The following SLC8A1 variants were observed in gnomAD, a reference collection of about 807,000 sequenced individuals.
SLC8A1 encodes solute carrier family 8 member A1, also known as sodium/calcium exchanger 1.
A neutral mutation model predicts 68.3 loss-of-function variants in SLC8A1; 18 were observed. The ratio of observed to expected loss-of-function variants is 0.26; its 90% CI spans 0.18 to 0.39. The LOEUF (loss-of-function observed/expected upper bound fraction) is 0.39. Ranked by LOEUF, SLC8A1 falls within the 10% of genes least tolerant of loss-of-function variation. The pLI, the probability that SLC8A1 is intolerant of heterozygous loss-of-function variation, is 1.00. For synonymous variants in SLC8A1, 475 were observed against 415.5 expected (o/e 1.14, Z -1.74); for missense variants, 985 against 1,156.7 (o/e 0.85, Z 2.15).
intron 2 of SLC8A1, among the ~76,000 whole-genome samples, chr2:40,202,973 A>G (rs564362153): frequency 2.6e-5 from 4 of 152,132 alleles, no homozygotes; most frequent in South Asian, 2.1e-4. Context: ...GATAAGCCAC[A>G]AGAAATGACA....
intron 1 of SLC8A1, among the ~76,000 whole-genome samples, chr2:40,487,048 A>G (rs1288290024): frequency 6.6e-6 from 1 of 151,998 alleles, no homozygotes; most frequent in Non-Finnish European, 1.5e-5. Flanking sequence ...ATATGTTTTT[A>G]TGTAATACTG....
intron 2 of SLC8A1, among the ~76,000 whole-genome samples, chr2:40,257,464 C>T (rs1363274033): frequency 6.6e-6 from 1 of 151,452 alleles, no homozygotes; most frequent in Non-Finnish European, 1.5e-5. Context: ...ACCCTCTAGG[C>T]AGCCTAGTTT....
At chr2:40,508,378 G>T (rs1469426033) in intron 1 of SLC8A1, among the ~76,000 whole-genome samples, 1 of 150,752 alleles carries the variant, frequency 6.6e-6, no homozygotes, top group Non-Finnish European at 1.5e-5. Flanking sequence ...CTAAAAAAAA[G>T]ATTTTCCTTT....
intron 1 of SLC8A1, among the ~76,000 whole-genome samples, chr2:40,508,996 C>G (rs1446664616): frequency 6.6e-6 from 1 of 152,146 alleles, no homozygotes; most frequent in Admixed American, 6.6e-5. Context: ...CGGCTCATAT[C>G]AGGGAAATAA....
rs930264119 is a variant in SLC8A1, at chr2:40,292,578, A to G, written c.1809-114723T>C. 3.3e-5 allele frequency among the ~76,000 whole-genome samples: 5 copies of G among 152,304 alleles called. No individual in the cohort carries two copies. The East Asian group carries it at 9.7e-4, about 29-fold the overall frequency. On this transcript the variant is annotated intron_variant, in intron 2 of 7. Coordinates refer to ENST00000406785, the Ensembl canonical transcript of SLC8A1. The stretch of plus-strand genomic sequence containing the variant: ...CCCAGGAAGGCTCATTTCAGAATAT[A>G]ATACAGTGTGGATTGAAGACCTAAT...
chr2:40,394,360 T>A (rs1481146877), intron 2 of SLC8A1, among the ~76,000 whole-genome samples: 1 of 152,066 alleles, frequency 6.6e-6, no homozygotes, highest in Non-Finnish European at 1.5e-5. Flanking sequence ...TTGCTTTTTC[T>A]AACGTGGATT....
chr2:40,368,358 C>T (rs928040156), intron 2 of SLC8A1, among the ~76,000 whole-genome samples: 2 of 152,044 alleles, frequency 1.3e-5, no homozygotes, highest in Non-Finnish European at 2.9e-5. Context: ...TTTAGTAACC[C>T]TACCAAAAAT....
intron 2 of SLC8A1, among the ~76,000 whole-genome samples, chr2:40,376,513 T>C (rs1488746486): frequency 6.6e-6 from 1 of 152,134 alleles, no homozygotes; most frequent in African/African-American, 2.4e-5. Context: ...TCAGTCACTC[T>C]GACATTTACC....
intron 2 of SLC8A1, among the ~76,000 whole-genome samples, chr2:40,244,497 G>T (rs1246108565): frequency 6.7e-6 from 1 of 150,316 alleles, no homozygotes; most frequent in African/African-American, 2.5e-5. Flanking sequence ...GTTTTTCCCT[G>T]GCAGTTGCTG....
chr2:40,352,401 G>C (rs968905552), intron 2 of SLC8A1, among the ~76,000 whole-genome samples: 1 of 152,058 alleles, frequency 6.6e-6, no homozygotes, highest in East Asian at 1.9e-4. Flanking sequence ...TATGCTTCCC[G>C]TGTTATTCAT....
chr2:40,462,082 C>T (rs1703383414), intron 1 of SLC8A1, among the ~76,000 whole-genome samples: 1 of 134,808 alleles, frequency 7.4e-6, no homozygotes, highest in South Asian at 2.4e-4. Context: ...TCTTGGCTCA[C>T]TGCAAGCTCC....
intron 2 of SLC8A1, chr2:40,189,664 A>C (rs1231953341): frequency 6.6e-6 from 1 of 152,188 alleles, no homozygotes; most frequent in Non-Finnish European, 1.5e-5. Context: ...AAATTTGAGA[A>C]ATGCAGAAAT....
intron 2 of SLC8A1, among the ~76,000 whole-genome samples, chr2:40,331,410 C>T (rs1008388848): frequency 6.6e-6 from 1 of 152,024 alleles, no homozygotes; most frequent in African/African-American, 2.4e-5. Flanking sequence ...TCTGTATTCA[C>T]TTCTATGACC....
chr2:40,115,375 C>T, exon 8 of SLC8A1: 1 of 1,614,156 alleles, frequency 6.2e-7, no homozygotes. Flanking sequence ...AGCTCACCTC[C>T]GATTTCTGGC....
At chr2:40,416,506 T>A (rs1248020627) in intron 2 of SLC8A1, among the ~76,000 whole-genome samples, 1 of 152,216 alleles carries the variant, frequency 6.6e-6, no homozygotes, top group East Asian at 1.9e-4. Context: ...TAAATCTTAT[T>A]CAGTGTTATG....
At chr2:40,300,212 T>C (rs925396157) in intron 2 of SLC8A1, among the ~76,000 whole-genome samples, 1 of 152,166 alleles carries the variant, frequency 6.6e-6, no homozygotes, top group African/African-American at 2.4e-5. Flanking sequence ...ATTAAATATA[T>C]GCCAAGTATA....
intron 2 of SLC8A1, chr2:40,209,205 T>C (rs1225436582): frequency 6.6e-6 from 1 of 152,010 alleles, no homozygotes; most frequent in Non-Finnish European, 1.5e-5. Flanking sequence ...AAATCTGAAA[T>C]AGGATCATCA....
intron 2 of SLC8A1, among the ~76,000 whole-genome samples, chr2:40,361,626 T>C (rs1208754964): frequency 6.6e-6 from 1 of 152,018 alleles, no homozygotes; most frequent in Non-Finnish European, 1.5e-5. Flanking sequence ...ATCTGTAGGG[T>C]ACCTCACTGC....
chr2:40,337,342 A>G, intron 2 of SLC8A1: 1 of 351,392 alleles, frequency 2.8e-6, no homozygotes. Flanking sequence ...ATATCATACT[A>G]CTACTCAAGA....
Sources: allele counts gnomAD v4.1 joint callset (sites outside exome capture counted in the v4.1 genomes callset), GRCh38; gene constraint gnomAD v4.1.1; transcripts MANE v1.5; gene names NCBI Gene and HGNC (gene_info 2026-07-23, HGNC 2026-07-21).